Variants in NCAM1 observed in about 807,000 individuals in gnomAD.
The protein encoded by NCAM1 is antigen recognized by monoclonal antibody 5.1H11.
Under a neutral mutation model 109.8 loss-of-function variants are expected in NCAM1, and 14 were observed. The ratio of observed to expected loss-of-function variants is 0.13; its 90% CI spans 0.08 to 0.20. NCAM1 has a LOEUF of 0.20. Among genes scored for constraint, NCAM1 ranks in the 10% least tolerant of loss-of-function variants. The pLI, the probability that NCAM1 is intolerant of heterozygous loss-of-function variation, is 1.00. For missense variants in NCAM1, 774 were observed against 1,109.9 expected (o/e 0.70, Z 4.30); for synonymous variants, 418 against 442.9 (o/e 0.94, Z 0.70).
At chr11:113,144,268 A>T (rs1453634417) in intron 1 of NCAM1, among the ~76,000 whole-genome samples, 1 of 152,194 alleles carries the variant, frequency 6.6e-6, no homozygotes, top group African/African-American at 2.4e-5. Context: ...TCGTGTGATT[A>T]TAACTGGTCT....
intron 1 of NCAM1, among the ~76,000 whole-genome samples, chr11:113,104,202 T>TTG (rs1940025809): frequency 7.8e-4 from 2 of 2,548 alleles, no homozygotes; most frequent in African/African-American, 3.0e-3. Flanking sequence ...GAAGAGGAGG[T>TTG]GGGGTGGGGG....
intron 1 of NCAM1, among the ~76,000 whole-genome samples, chr11:113,155,939 C>A (rs1468316844): frequency 1.3e-5 from 2 of 152,108 alleles, no homozygotes; most frequent in Admixed American, 1.3e-4. Context: ...CATTCATGAT[C>A]AGAGTCACAC....
chr11:113,204,522 C>G lies in NCAM1; in HGVS notation c.346+18C>G, dbSNP rs782434988. 6.2e-7 allele frequency: 1 copy of G among 1,610,826 alleles called. No homozygotes were observed. The highest frequency in any genetic ancestry group is 1.7e-5 in the Admixed American group (1 of 59,984). ...GATCTTTCGTAAGAGCCTCCTTCTT[C>G]TTCTGCATTCTCTGGCCTCTCCTTG... is the stretch of plus-strand genomic sequence containing the variant. On this transcript the variant is annotated intron_variant, in intron 3 of 19. Transcript: ENST00000316851.
chr11:112,962,828 G>C lies in NCAM1; in HGVS notation c.52+1164G>C, dbSNP rs1555063712. On this transcript the variant is annotated intron_variant, in intron 1 of 19. Transcript: ENST00000316851. This position sits in a 1 kb window ranked among gnomAD's most constrained non-coding sequence, Gnocchi z 5.6. Reference sequence around the variant, plus strand: ...GACGGGAGGGAAGGAAGAAAAGCAGGGGCCGCAGAGAGCTGGGTGGGTTGG... The same window carrying C: ...GACGGGAGGGAAGGAAGAAAAGCAGCGGCCGCAGAGAGCTGGGTGGGTTGG... Among the ~76,000 whole-genome samples, 3 of 152,116 alleles carry C rather than the reference G, an allele frequency of 2.0e-5. No individual in the cohort carries two copies. The highest frequency in any genetic ancestry group is 4.4e-5 in the Non-Finnish European group (3 of 68,022).
chr11:113,035,373 C>T (rs1456263090), intron 1 of NCAM1, among the ~76,000 whole-genome samples: 1 of 152,156 alleles, frequency 6.6e-6, no homozygotes, highest in Non-Finnish European at 1.5e-5. Flanking sequence ...ATAATGACAT[C>T]GAGATCTTGG....
intron 1 of NCAM1, among the ~76,000 whole-genome samples, chr11:113,091,811 C>T (rs899341052): frequency 3.3e-5 from 5 of 152,118 alleles, no homozygotes; most frequent in Admixed American, 6.5e-5. Flanking sequence ...GTCGTGAAGG[C>T]GGATGAGAAT....
At chr11:113,254,024 G>A (rs1945770606) in intron 15 of NCAM1, among the ~76,000 whole-genome samples, 1 of 151,968 alleles carries the variant, frequency 6.6e-6, no homozygotes, top group South Asian at 2.1e-4. Flanking sequence ...TATTTGTTCA[G>A]CATTTCTGAA....
In NCAM1 at chr11:113,277,719, C is replaced by T. The variant is rs1230152731; in HGVS notation, c.*2332C>T. On this transcript the variant is annotated 3_prime_UTR_variant, in exon 20 of 20. Coordinates refer to ENST00000316851, the MANE Select transcript of NCAM1 (RefSeq NM_181351.5). ...AGAAACAGGTCAGCCCTCAGATCAC[C>T]TGGCCCGGGACAGCTGACCCCCTAG... 3.3e-6 allele frequency: 1 copy of T among 305,822 alleles called. No homozygotes were observed. Among genetic ancestry groups the T allele is most frequent in the Non-Finnish European group, 6.0e-6 (1 of 167,482 alleles). The allele number at this position is 305,822 out of a possible 1,614,324, so 18.9% of individuals were successfully genotyped here. A position where few individuals can be genotyped will look rare whatever the true frequency, so the allele number is the denominator to read the frequency against.
In NCAM1 at chr11:112,962,578, A is replaced by G. The variant is rs1309106119; in HGVS notation, c.52+914A>G. ...TTTGGGCGAGGTTCCCGATCCTGGC[A>G]AAGTGTGAACAATAGGGAGCTGGGA... On this transcript the variant is annotated intron_variant, in intron 1 of 19. Coordinates refer to ENST00000316851, the MANE Select transcript of NCAM1 (RefSeq NM_181351.5). This position sits in a 1 kb window ranked among gnomAD's most constrained non-coding sequence, Gnocchi z 5.6. Among the ~76,000 whole-genome samples, 2 of 152,076 alleles carry G rather than the reference A, an allele frequency of 1.3e-5. No individual in the cohort carries two copies. Among genetic ancestry groups the G allele is most frequent in the Non-Finnish European group, 2.9e-5 (2 of 68,010 alleles).
At chr11:113,232,909 G>A in intron 12 of NCAM1, 95 bp downstream of exon 12, 3 of 1,233,264 alleles carry the variant, frequency 2.4e-6, no homozygotes, top group Non-Finnish European at 3.5e-6. Context: ...CAGGATATTG[G>A]GAAGAAGAAA....
At position 113,233,806 on chromosome 11, in the gene NCAM1, G is replaced by A. The variant is rs1945083380; in HGVS notation, c.1693+489G>A. Among the ~76,000 whole-genome samples, 1 of 152,214 alleles carries A rather than the reference G, an allele frequency of 6.6e-6. No individual in the cohort carries two copies. Among genetic ancestry groups the A allele is most frequent in the African/African-American group, 2.4e-5 (1 of 41,456 alleles). ...CTGCCCTTAAATCAGTCCTGTGCTA[G>A]CTTTCCAAGCTAAAGATTAAAAGAC... On this transcript the variant is annotated intron_variant, in intron 13 of 19. Transcript: ENST00000316851. The surrounding 1 kb of genome is among the most constrained non-coding windows in gnomAD (Gnocchi z 4.5).
At chr11:112,964,152 T>G (rs56279145) in intron 1 of NCAM1, among the ~76,000 whole-genome samples, 3 of 5,576 alleles carry the variant, frequency 5.4e-4, no homozygotes, top group Non-Finnish European at 8.4e-4. Context: ...TTTTTTTTTT[T>G]TTGTTTTTTT....
At chr11:113,018,944 T>A (rs1220718622) in intron 1 of NCAM1, among the ~76,000 whole-genome samples, 2 of 152,172 alleles carry the variant, frequency 1.3e-5, no homozygotes, top group Non-Finnish European at 2.9e-5. Context: ...CAGATTTATA[T>A]AATGAACAAA....
chr11:112,963,426 G>C lies in NCAM1; in HGVS notation c.52+1762G>C, dbSNP rs1489352258. The C allele has an allele frequency of 6.6e-6, 1 of 152,176 alleles. No individual in the cohort carries two copies. Among genetic ancestry groups the C allele is most frequent in the Non-Finnish European group, 1.5e-5 (1 of 68,076 alleles). The allele number at this position is 152,176 out of a possible 1,614,324, so 9.4% of individuals were successfully genotyped here. A position where few individuals can be genotyped will look rare whatever the true frequency, so the allele number is the denominator to read the frequency against. ...CCGGGCCTGAGCGCGTCGCCGGGGA[G>C]GGCATCCTGGCAGGCACACCTACGC... On this transcript the variant is annotated intron_variant, in intron 1 of 19. Transcript: ENST00000316851. This position sits in a 1 kb window ranked among gnomAD's most constrained non-coding sequence, Gnocchi z 4.6.
chr11:113,229,078 C>G (rs1400622354), intron 9 of NCAM1, among the ~76,000 whole-genome samples: 6 of 152,044 alleles, frequency 3.9e-5, no homozygotes, highest in African/African-American at 1.5e-4. Flanking sequence ...CCAAAATTGA[C>G]AAATGGGATA....
In NCAM1 at chr11:113,153,150, C is replaced by T. The variant is rs555182713; in HGVS notation, c.53-49229C>T. Among the ~76,000 whole-genome samples the T allele has an allele frequency of 4.6e-5, 7 of 151,990 alleles. No individual in the cohort carries two copies. In the East Asian group the frequency reaches 7.7e-4, roughly 17 times the overall value. The stretch of plus-strand genomic sequence containing the variant: ...CTCCGCCTCCCGGGTTCAAGTGATT[C>T]TCCTGCCTCAGCCTCCTGAGTAGCT... On this transcript the variant is annotated intron_variant, in intron 1 of 19. Transcript: ENST00000316851.
intron 1 of NCAM1, among the ~76,000 whole-genome samples, chr11:113,128,839 G>A (rs1412515029): frequency 1.3e-5 from 2 of 151,958 alleles, no homozygotes; most frequent in Admixed American, 6.6e-5. Flanking sequence ...TGTCACTGGG[G>A]ACAGCTGGAA....
intron 14 of NCAM1, among the ~76,000 whole-genome samples, chr11:113,236,630 A>T (rs559577397): frequency 6.6e-6 from 1 of 152,218 alleles, no homozygotes; most frequent in African/African-American, 2.4e-5. Context: ...GCATGGTGGA[A>T]GTCTGCAGAT....
chr11:113,242,967 T>C, intron 14 of NCAM1: 1 of 1,562,444 alleles, frequency 6.4e-7, no homozygotes, highest in Non-Finnish European at 8.7e-7. Flanking sequence ...TGTGAATGCA[T>C]GAAGGCTCCT....
Sources: allele counts gnomAD v4.1 joint callset (sites outside exome capture counted in the v4.1 genomes callset), GRCh38; gene constraint gnomAD v4.1.1; non-coding constraint Gnocchi (gnomAD v3.1); transcripts MANE v1.5; gene names NCBI Gene and HGNC (gene_info 2026-07-23, HGNC 2026-07-21).